The following UXS1 variants were observed in gnomAD, a reference collection of about 807,000 sequenced individuals.
UXS1 encodes UDP-glucuronate decarboxylase 1, also known as UDP-glucuronic acid decarboxylase 1.
Under a neutral mutation model 62.6 loss-of-function variants are expected in UXS1, and 33 were observed. The ratio of observed to expected loss-of-function variants is 0.53; its 90% CI spans 0.40 to 0.70. The LOEUF (loss-of-function observed/expected upper bound fraction) is 0.70. Ranked by LOEUF, UXS1 falls within the 30% of genes least tolerant of loss-of-function variation. The pLI, the probability that UXS1 is intolerant of heterozygous loss-of-function variation, is 0.00. For missense variants in UXS1, 434 were observed against 556.3 expected (o/e 0.78, Z 2.21); for synonymous variants, 213 against 206.8 (o/e 1.03, Z -0.26).
chr2:106,187,020 G>A (rs1050987887), intron 1 of UXS1, among the ~76,000 whole-genome samples: 7 of 151,766 alleles, frequency 4.6e-5, no homozygotes, highest in Admixed American at 2.6e-4. Flanking sequence ...GTACTGTTAC[G>A]TCTGCACCTT....
At chr2:106,176,562 G>A (rs1158960987) in intron 1 of UXS1, among the ~76,000 whole-genome samples, 1 of 152,208 alleles carries the variant, frequency 6.6e-6, no homozygotes, top group African/African-American at 2.4e-5. Flanking sequence ...AGACCAAAGA[G>A]TGGCAGCTGC....
chr2:106,127,252 A>C (rs1417596004), intron 7 of UXS1, among the ~76,000 whole-genome samples: 1 of 152,212 alleles, frequency 6.6e-6, no homozygotes, highest in Non-Finnish European at 1.5e-5. Context: ...TCTGGGAGAA[A>C]TGCCCAAGAA....
intron 3 of UXS1, 59 bp downstream of exon 3, chr2:106,164,677 G>A: frequency 1.5e-6 from 2 of 1,296,478 alleles, no homozygotes; most frequent in South Asian, 1.4e-5. Context: ...CACGAGCAAA[G>A]GAAGTAAAAT....
intron 6 of UXS1, among the ~76,000 whole-genome samples, chr2:106,139,116 A>G (rs986586346): frequency 1.3e-5 from 2 of 152,086 alleles, no homozygotes; most frequent in Non-Finnish European, 2.9e-5. Flanking sequence ...TTCAGAGTAC[A>G]CCAAGCATGA....
intron 1 of UXS1, among the ~76,000 whole-genome samples, chr2:106,186,995 G>A (rs1684599841): frequency 6.6e-6 from 1 of 151,944 alleles, no homozygotes; most frequent in Non-Finnish European, 1.5e-5. Flanking sequence ...TATATGTAAA[G>A]TACTTGAAGG....
chr2:106,151,646 T>C (rs1178253886), intron 5 of UXS1, among the ~76,000 whole-genome samples: 3 of 152,108 alleles, frequency 2.0e-5, no homozygotes, highest in African/African-American at 7.2e-5. Context: ...CTAAGAAAAG[T>C]AGACTATCAG....
intron 6 of UXS1, among the ~76,000 whole-genome samples, chr2:106,137,951 A>C (rs895341144): frequency 6.6e-6 from 1 of 152,152 alleles, no homozygotes; most frequent in African/African-American, 2.4e-5. Context: ...ATTTCTGCTT[A>C]CACAGACAGG....
At chr2:106,178,610 ATGTG>A (rs1221055452) in intron 1 of UXS1, among the ~76,000 whole-genome samples, 1 of 151,908 alleles carries the variant, frequency 6.6e-6, no homozygotes, top group Non-Finnish European at 1.5e-5. Context: ...GTGTGTATAT[ATGTG>A]TGTGTGTATA....
intron 1 of UXS1, among the ~76,000 whole-genome samples, chr2:106,181,521 C>T (rs1450887627): frequency 2.0e-5 from 3 of 152,096 alleles, no homozygotes; most frequent in African/African-American, 4.8e-5. Flanking sequence ...GAGTTCGAGA[C>T]GACCCTGGGC....
chr2:106,141,528 G>A (rs1274318708), intron 6 of UXS1, among the ~76,000 whole-genome samples: 1 of 148,454 alleles, frequency 6.7e-6, no homozygotes, highest in Non-Finnish European at 1.5e-5. Flanking sequence ...TGCAGTCATG[G>A]CTCACTGCAG....
intron 1 of UXS1, among the ~76,000 whole-genome samples, chr2:106,191,673 T>C (rs1290927747): frequency 6.6e-6 from 1 of 152,238 alleles, no homozygotes; most frequent in Admixed American, 6.5e-5. Context: ...CTTCTTTGCA[T>C]TCCTAGAATA....
At chr2:106,110,495 T>TA (rs1678498555) in intron 10 of UXS1, among the ~76,000 whole-genome samples, 1 of 152,130 alleles carries the variant, frequency 6.6e-6, no homozygotes, top group South Asian at 2.1e-4. Flanking sequence ...ACACAGTTGC[T>TA]AAAAAGGCAC....
intron 13 of UXS1, chr2:106,097,094 G>C: frequency 1.8e-6 from 1 of 568,172 alleles, no homozygotes; most frequent in Non-Finnish European, 3.3e-6. Flanking sequence ...CAACAGGCCT[G>C]AGTTACCGCC....
chr2:106,153,552 T>C (rs1161900577), intron 5 of UXS1, among the ~76,000 whole-genome samples: 2 of 151,382 alleles, frequency 1.3e-5, no homozygotes, highest in African/African-American at 4.9e-5. Context: ...ATAAATAAAA[T>C]AAAACAAGTT....
intron 1 of UXS1, among the ~76,000 whole-genome samples, chr2:106,191,589 TG>T (rs1433527426): frequency 6.6e-6 from 1 of 152,236 alleles, no homozygotes; most frequent in Non-Finnish European, 1.5e-5. Context: ...CCTGCCTGCT[TG>T]CCTGCTCTGG....
intron 14 of UXS1, among the ~76,000 whole-genome samples, chr2:106,094,619 C>A (rs1467891323): frequency 6.6e-6 from 1 of 152,156 alleles, no homozygotes; most frequent in Non-Finnish European, 1.5e-5. Flanking sequence ...TGACATCAAC[C>A]CTTTGCACTG....
intron 13 of UXS1, 147 bp from the exon 14 acceptor site, chr2:106,096,968 C>A (rs1240323837): frequency 1.2e-6 from 1 of 809,486 alleles, no homozygotes; most frequent in East Asian, 2.7e-5. Flanking sequence ...AGCCCCGGAG[C>A]TCCCGAGGGA....
chr2:106,176,280 G>A (rs1439111145), intron 1 of UXS1, among the ~76,000 whole-genome samples: 1 of 152,140 alleles, frequency 6.6e-6, no homozygotes. Context: ...CTAGCACTCT[G>A]GAAAAGGGCA....
chr2:106,174,519 G>A (rs1444545791), intron 1 of UXS1, among the ~76,000 whole-genome samples: 1 of 152,204 alleles, frequency 6.6e-6, no homozygotes, highest in East Asian at 1.9e-4. Context: ...CTTAGCTCAG[G>A]GCATCCTGTA....
Sources: gnomAD v4.1 joint callset for allele counts (sites outside exome capture counted in the v4.1 genomes callset) on GRCh38, gnomAD v4.1.1 for gene constraint, MANE v1.5 for transcripts, NCBI Gene and HGNC (gene_info 2026-07-23, HGNC 2026-07-21) for gene names.